Variants in SMG6 observed in about 807,000 individuals in gnomAD.
SMG6 encodes the protein SMG6 nonsense mediated mRNA decay factor.
SMG6 carries 66 observed loss-of-function variants against 142.2 expected under a neutral mutation model. The observed-to-expected ratio is 0.46, with a 90% CI of 0.38 to 0.57. The LOEUF (loss-of-function observed/expected upper bound fraction) is 0.57. SMG6 is among the 20% of genes least tolerant of loss of function. The pLI, the probability that SMG6 is intolerant of heterozygous loss-of-function variation, is 0.00. For synonymous variants in SMG6, 779 were observed against 702.4 expected (o/e 1.11, Z -1.72); for missense variants, 1,793 against 1,832.0 (o/e 0.98, Z 0.39).
chr17:2,256,089 T>TG (rs1270530917), intron 8 of SMG6: 1 of 165,008 alleles, frequency 6.1e-6, no homozygotes, highest in Non-Finnish European at 1.3e-5. Context: ...CAGAGACCTC[T>TG]GTTCACTTGT....
chr17:2,211,588 C>T (rs1162694633), intron 10 of SMG6, among the ~76,000 whole-genome samples: 2 of 149,936 alleles, frequency 1.3e-5, no homozygotes, highest in African/African-American at 2.5e-5. Context: ...GGCGTGAACC[C>T]GGGATGTGGA....
chr17:2,262,518 G>A (rs770963376), intron 8 of SMG6, among the ~76,000 whole-genome samples: 7 of 152,056 alleles, frequency 4.6e-5, no homozygotes, highest in African/African-American at 9.7e-5. Context: ...TTGCAGTTTC[G>A]AACCATGCTA....
chr17:2,263,740 G>A (rs944877255), intron 8 of SMG6, among the ~76,000 whole-genome samples: 1 of 152,160 alleles, frequency 6.6e-6, no homozygotes, highest in African/African-American at 2.4e-5. Context: ...AAGAGGGGAA[G>A]AACCTGGAGT....
At chr17:2,144,878 G>C (rs900737515) in intron 13 of SMG6, among the ~76,000 whole-genome samples, 1 of 152,036 alleles carries the variant, frequency 6.6e-6, no homozygotes, top group Admixed American at 6.6e-5. Flanking sequence ...TCCTCACCTA[G>C]GGCGCACCCC....
intron 13 of SMG6, among the ~76,000 whole-genome samples, chr17:2,159,329 C>T (rs1240076631): frequency 6.6e-6 from 1 of 152,112 alleles, no homozygotes; most frequent in Non-Finnish European, 1.5e-5. Context: ...ACTTGAGAGG[C>T]TGAGGTAGGA....
At chr17:2,286,920 A>AT in intron 6 of SMG6, among the ~76,000 whole-genome samples, 1 of 144,188 alleles carries the variant, frequency 6.9e-6, no homozygotes, top group Non-Finnish European at 1.5e-5. Context: ...AAAACATAAA[A>AT]TAATTTTTTT....
In SMG6 at chr17:2,068,899, C is replaced by T; in HGVS notation, c.3714G>A (p.Gln1238=). Reference sequence around the variant, plus strand: ...ACAAAGGTCTGATTTCGAGCTCCATCTGCCTCATCTGACTGTGGTCCTCCA... The same window carrying T: ...ACAAAGGTCTGATTTCGAGCTCCATTTGCCTCATCTGACTGTGGTCCTCCA... ...AVLEDHSQMR[Q]MELEIRPLFL... Residue 1238 remains glutamine (Q), a synonymous_variant, in exon 16 of 19, where the codon CAG becomes CAA. Coordinates refer to ENST00000263073, the MANE Select transcript of SMG6 (RefSeq NM_017575.5). This position sits in a 1 kb window ranked among gnomAD's most constrained non-coding sequence, Gnocchi z 6.7. The T allele has an allele frequency of 1.2e-6, 2 of 1,614,224 alleles. No homozygotes were observed. The highest frequency in any genetic ancestry group is 1.1e-5 in the South Asian group (1 of 91,086).
intron 8 of SMG6, among the ~76,000 whole-genome samples, chr17:2,272,544 T>C (rs900616647): frequency 1.3e-5 from 2 of 152,196 alleles, no homozygotes; most frequent in Non-Finnish European, 1.5e-5. Context: ...TTCCTAGACA[T>C]GCACAGAGCA....
At chr17:2,178,608 C>A (rs1220103756) in intron 12 of SMG6, among the ~76,000 whole-genome samples, 1 of 152,210 alleles carries the variant, frequency 6.6e-6, no homozygotes, top group Non-Finnish European at 1.5e-5. Context: ...TCACAGTAAC[C>A]TCGTTCCAGG....
At chr17:2,118,598 CT>C (rs35884470) in intron 13 of SMG6, among the ~76,000 whole-genome samples, 5,595 of 135,822 alleles carry the variant, frequency 0.041, 156 homozygotes, top group African/African-American at 0.1. Context: ...ATCTAGATAG[CT>C]TTTTTTTTTT....
chr17:2,247,178 C>G (rs2073945608), intron 8 of SMG6, among the ~76,000 whole-genome samples: 1 of 152,182 alleles, frequency 6.6e-6, no homozygotes, highest in African/African-American at 2.4e-5. Flanking sequence ...GCTCGCTTGA[C>G]CTGTAAACAC....
chr17:2,207,472 T>C (rs1238464864), intron 10 of SMG6, among the ~76,000 whole-genome samples: 1 of 152,156 alleles, frequency 6.6e-6, no homozygotes, highest in Non-Finnish European at 1.5e-5. Context: ...AAAAATGCTT[T>C]ACAGCTGATC....
chr17:2,221,430 G>A (rs2131700), intron 10 of SMG6, among the ~76,000 whole-genome samples: 43,305 of 151,918 alleles, frequency 0.29, 7,813 homozygotes, highest in Non-Finnish European at 0.38. Context: ...TTCTCCTGAG[G>A]CCTCCCTAGC....
rs2073116329 is a variant in SMG6, at chr17:2,219,650, G to A, written c.2869+16842C>T. 2.0e-5 allele frequency among the ~76,000 whole-genome samples: 3 copies of A among 151,814 alleles called. 1 individual carries two copies. The Middle Eastern group carries it at 0.01, about 520-fold the overall frequency. On this transcript the variant is annotated intron_variant, in intron 10 of 18. Coordinates refer to ENST00000263073, the MANE Select transcript of SMG6 (RefSeq NM_017575.5). ...CAAAATATTTGAAAATCAGATGGGC[G>A]TGGTAGCACGTGCCTGTAGTCCCAT...
chr17:2,300,158 C>G lies in SMG6; in HGVS notation c.595G>C (p.Glu199Gln). ...CCACCACCTGGGCTCTTTTCTATCT[C>G]AGCCCTGTCTGGTTTATTCGCAACT... is the stretch of plus-strand genomic sequence containing the variant. ...EEVANKPDRAEIEKSPGGGRV... is the reference protein window; with the variant it reads ...EEVANKPDRAQIEKSPGGGRV... The change falls in exon 2 of 19, where the codon GAG (glutamate) becomes CAG (glutamine). Residue 199 changes from glutamate (E) to glutamine (Q), a missense_variant. Glu to Gln is a conservative substitution (Grantham distance 29). This residue lies in a region of SMG6 where 1,597 missense variants were observed against 1,584.6 expected (regional missense o/e 1.01). Coordinates refer to ENST00000263073, the MANE Select transcript of SMG6 (RefSeq NM_017575.5). The G allele has an allele frequency of 6.2e-7, 1 of 1,614,064 alleles. No individual in the cohort carries two copies. The highest frequency in any genetic ancestry group is 1.6e-4 in the Middle Eastern group (1 of 6,062).
intron 15 of SMG6, among the ~76,000 whole-genome samples, chr17:2,081,436 G>A (rs975875891): frequency 3.3e-5 from 5 of 152,136 alleles, no homozygotes; most frequent in African/African-American, 1.2e-4. Flanking sequence ...GGGAACAGGC[G>A]TTCTGAAGTA....
intron 8 of SMG6, among the ~76,000 whole-genome samples, chr17:2,275,830 C>T (rs2074636260): frequency 6.6e-6 from 1 of 152,190 alleles, no homozygotes; most frequent in South Asian, 2.1e-4. Context: ...GCAGTTGAGG[C>T]TGGCAATCCC....
intron 10 of SMG6, among the ~76,000 whole-genome samples, chr17:2,227,469 A>T (rs1438501685): frequency 6.6e-6 from 1 of 152,264 alleles, no homozygotes; most frequent in Non-Finnish European, 1.5e-5. Context: ...GACATTAGTC[A>T]GACACAAAGA....
chr17:2,256,792 C>G (rs72634005), intron 8 of SMG6, among the ~76,000 whole-genome samples: 4 of 29,260 alleles, frequency 1.4e-4, no homozygotes, highest in Non-Finnish European at 3.4e-4. Context: ...AATAGATAGA[C>G]AGATTTGATA....
Sources: gnomAD v4.1 joint callset for allele counts (sites outside exome capture counted in the v4.1 genomes callset) on GRCh38, gnomAD v4.1.1 for gene constraint, gnomAD v4.1.1 regional missense constraint, Gnocchi (gnomAD v3.1) non-coding constraint, MANE v1.5 for transcripts, NCBI Gene and HGNC (gene_info 2026-07-23, HGNC 2026-07-21) for gene names.